Variants in ANXA4 observed in about 807,000 individuals in gnomAD.
ANXA4 encodes annexin A4.
Under a neutral mutation model 49.8 loss-of-function variants are expected in ANXA4, and 39 were observed. The ratio of observed to expected loss-of-function variants is 0.78; its 90% CI spans 0.61 to 1.02. The LOEUF is 1.02. Among genes scored for constraint, ANXA4 ranks in the 50% least tolerant of loss-of-function variants. ANXA4 has a pLI of 0.00. For synonymous variants in ANXA4, 134 were observed against 152.5 expected (o/e 0.88, Z 0.89); for missense variants, 360 against 410.1 (o/e 0.88, Z 1.05).
chr2:69,788,821 G>A (rs866952737), intron 3 of ANXA4, among the ~76,000 whole-genome samples: 4 of 128,662 alleles, frequency 3.1e-5, no homozygotes, highest in South Asian at 2.5e-4. Flanking sequence ...CTGGGCGACA[G>A]AGCGAGACTC....
chr2:69,676,617 G>A (rs539388596), intron 2 of ANXA4, among the ~76,000 whole-genome samples: 29 of 152,190 alleles, frequency 1.9e-4, no homozygotes, highest in African/African-American at 4.3e-4. Flanking sequence ...ATCTCTGGCC[G>A]GGCACAGTGG....
chr2:69,742,734 C>G (rs1288130688), intron 1 of ANXA4, among the ~76,000 whole-genome samples: 1 of 152,156 alleles, frequency 6.6e-6, no homozygotes, highest in African/African-American at 2.4e-5. Context: ...AGCATTTTGT[C>G]ATGACTTTGA....
intron 2 of ANXA4, among the ~76,000 whole-genome samples, chr2:69,678,360 C>T (rs1420857655): frequency 3.7e-4 from 53 of 142,346 alleles, no homozygotes; most frequent in Non-Finnish European, 4.9e-4. Flanking sequence ...TTCAGAAGGG[C>T]ATTACAAATC....
chr2:69,810,370 A>C, intron 6 of ANXA4: 1 of 504,110 alleles, frequency 2.0e-6, no homozygotes, highest in East Asian at 3.5e-5. Context: ...ACTCCATCTC[A>C]AAAGAAACAA....
chr2:69,749,043 G>A (rs1295412922), intron 1 of ANXA4, among the ~76,000 whole-genome samples: 1 of 152,116 alleles, frequency 6.6e-6, no homozygotes, highest in Non-Finnish European at 1.5e-5. Context: ...AAAGAGAGTT[G>A]AGGAAGTGTG....
chr2:69,668,034 T>C (rs886426091), intron 2 of ANXA4, among the ~76,000 whole-genome samples: 1 of 152,188 alleles, frequency 6.6e-6, no homozygotes, highest in Non-Finnish European at 1.5e-5. Context: ...TAACATTCCA[T>C]TGGCCTAAGT....
intron 3 of ANXA4, among the ~76,000 whole-genome samples, chr2:69,794,809 G>C (rs533680872): frequency 4.6e-5 from 7 of 152,168 alleles, no homozygotes; most frequent in Middle Eastern, 3.4e-3. Context: ...AAGGCTTTTT[G>C]AGCCTTAGGT....
In ANXA4 at chr2:69,805,579, C is replaced by G. The variant is rs548334284; in HGVS notation, c.193-806C>G. The stretch of plus-strand genomic sequence containing the variant: ...CAAGATCGTGCCACTGCGCTCCAGC[C>G]TAGGCAACAGAGCAAGACTCCATCT... On this transcript the variant is annotated intron_variant, in intron 4 of 12. Coordinates refer to ENST00000394295, the MANE Select transcript of ANXA4 (RefSeq NM_001153.5). Among the ~76,000 whole-genome samples, 5 of 150,164 alleles carry G rather than the reference C, an allele frequency of 3.3e-5. No homozygotes were observed. The East Asian group carries it at 9.7e-4, about 29-fold the overall frequency.
At position 69,826,809 on chromosome 2, in the gene ANXA4, A is replaced by C. The variant is rs1044567108; in HGVS notation, c.*1294A>C. 6.6e-6 allele frequency: 1 copy of C among 151,810 alleles called. No homozygotes were observed. Among genetic ancestry groups the C allele is most frequent in the Non-Finnish European group, 1.5e-5 (1 of 67,990 alleles). The allele number at this position is 151,810 out of a possible 1,614,324, so 9.4% of individuals were successfully genotyped here. A position where few individuals can be genotyped will look rare whatever the true frequency, so the allele number is the denominator to read the frequency against. On this transcript the variant is annotated 3_prime_UTR_variant, in exon 13 of 13. Coordinates refer to ENST00000394295, the MANE Select transcript of ANXA4 (RefSeq NM_001153.5). ...AAAAAAAAAAAAAAAAGTGTCTTTA[A>C]AGTGAGGTATAGTCTTTCTCTGATC...
At chr2:69,784,462 C>T (rs1418574826) in intron 2 of ANXA4, among the ~76,000 whole-genome samples, 1 of 152,186 alleles carries the variant, frequency 6.6e-6, no homozygotes, top group Non-Finnish European at 1.5e-5. Flanking sequence ...GTGAAACATT[C>T]AACTCAGAAA....
At chr2:69,657,798 AAC>A (rs761706094) in intron 2 of ANXA4, among the ~76,000 whole-genome samples, 6 of 152,170 alleles carry the variant, frequency 3.9e-5, no homozygotes, top group South Asian at 2.1e-4. Flanking sequence ...AATTTTGATA[AAC>A]ACAAAAAATA....
chr2:69,804,393 A>C, intron 3 of ANXA4, 140 bp from the exon 4 acceptor site: 1 of 687,516 alleles, frequency 1.5e-6, no homozygotes, highest in Non-Finnish European at 2.4e-6. Context: ...CCCAAAAAGT[A>C]GACAAACCCT....
chr2:69,781,702 A>T (rs1672207041), intron 2 of ANXA4, 128 bp downstream of exon 2: 1 of 1,088,792 alleles, frequency 9.2e-7, no homozygotes, highest in African/African-American at 1.6e-5. Flanking sequence ...GGACATGAAA[A>T]GGCAGGTCTA....
intron 3 of ANXA4, among the ~76,000 whole-genome samples, chr2:69,724,795 T>C (rs1169226399): frequency 9.0e-6 from 1 of 110,502 alleles, no homozygotes; most frequent in Non-Finnish European, 1.9e-5. Flanking sequence ...TCGGCCACGC[T>C]GCTCTCGCCC....
At chr2:69,739,305 A>G (rs144983255), upstream of ANXA4, among the ~76,000 whole-genome samples, 2 of 152,172 alleles carry the variant, frequency 1.3e-5, no homozygotes, top group East Asian at 3.9e-4. Flanking sequence ...TAAGTCAGTT[A>G]TCACCTGTCC....
intron 2 of ANXA4, among the ~76,000 whole-genome samples, chr2:69,689,528 T>A (rs1476561023): frequency 1.3e-5 from 2 of 152,216 alleles, no homozygotes; most frequent in African/African-American, 4.8e-5. Flanking sequence ...ACAAAAAAAA[T>A]GCAACTGTCT....
chr2:69,685,815 A>T (rs920362303), intron 2 of ANXA4, among the ~76,000 whole-genome samples: 3 of 152,214 alleles, frequency 2.0e-5, no homozygotes, highest in Non-Finnish European at 4.4e-5. Flanking sequence ...TGTGGTAAAT[A>T]TTTAACAACT....
intron 2 of ANXA4, among the ~76,000 whole-genome samples, chr2:69,694,908 A>G (rs1186959886): frequency 3.9e-5 from 6 of 152,088 alleles, no homozygotes; most frequent in Non-Finnish European, 7.4e-5. Context: ...TTACAGGCGT[A>G]AGCCACCATG....
In ANXA4 at chr2:69,663,377, A is replaced by G. The variant is rs1365766548; in HGVS notation, n.766+10095A>G. 2.1e-5 allele frequency among the ~76,000 whole-genome samples: 3 copies of G among 144,832 alleles called. No individual in the cohort carries two copies. The Admixed American group carries it at 2.2e-4, about 11-fold the overall frequency. On this transcript the variant is annotated intron_variant and non_coding_transcript_variant, in intron 2 of 3. Transcript: ENST00000418066. ...GAGCAGAGCCAAAGGTCATCACAAT[A>G]TAAGGGAAGGATCTGACAATAAAGA...
Sources: allele counts gnomAD v4.1 joint callset (sites outside exome capture counted in the v4.1 genomes callset), GRCh38; gene constraint gnomAD v4.1.1; transcripts MANE v1.5; gene names NCBI Gene and HGNC (gene_info 2026-07-23, HGNC 2026-07-21).